The following ADAMTS2 variants were observed in gnomAD, a reference collection of about 807,000 sequenced individuals.
ADAMTS2 encodes the protein ADAM metallopeptidase with thrombospondin type 1 motif 2.
A neutral mutation model predicts 123.0 loss-of-function variants in ADAMTS2; 50 were observed. The ratio of observed to expected loss-of-function variants is 0.41; its 90% CI spans 0.32 to 0.51. The LOEUF (loss-of-function observed/expected upper bound fraction) is 0.51, where lower values mean the gene tolerates loss of function less well. Among genes scored for constraint, ADAMTS2 ranks in the 20% least tolerant of loss-of-function variants. The probability of loss-of-function intolerance (pLI) is 0.35; values close to 1 mark genes in which losing one functional copy is unlikely to be tolerated. For synonymous variants in ADAMTS2, 678 were observed against 695.4 expected (o/e 0.98, Z 0.39); for missense variants, 1,494 against 1,705.2 (o/e 0.88, Z 2.18).
chr5:179,143,684 G>A (rs186297063), intron 10 of ADAMTS2, among the ~76,000 whole-genome samples: 36 of 152,154 alleles, frequency 2.4e-4, no homozygotes, highest in Admixed American at 8.5e-4. Context: ...TTGCCCTTTC[G>A]TCCCTGCTGA....
chr5:179,198,715 T>A (rs1764488409), intron 4 of ADAMTS2, among the ~76,000 whole-genome samples: 2 of 151,956 alleles, frequency 1.3e-5, no homozygotes, highest in South Asian at 4.2e-4. Flanking sequence ...GTGCCAGTAG[T>A]CCCAGGTACT....
chr5:179,265,021 G>C (rs1380253662), intron 3 of ADAMTS2, among the ~76,000 whole-genome samples: 3 of 152,138 alleles, frequency 2.0e-5, no homozygotes, highest in Non-Finnish European at 4.4e-5. Context: ...ACCAACAGCA[G>C]CATGCCGGGT....
intron 12 of ADAMTS2, 117 bp downstream of exon 12, chr5:179,137,652 G>A (rs1763087828): frequency 5.0e-6 from 7 of 1,410,708 alleles, no homozygotes; most frequent in South Asian, 1.3e-5. Flanking sequence ...GGGCTCTCCT[G>A]CCAGCCCAGG....
chr5:179,295,127 C>G (rs1756293326), intron 2 of ADAMTS2, among the ~76,000 whole-genome samples: 1 of 152,240 alleles, frequency 6.6e-6, no homozygotes, highest in Non-Finnish European at 1.5e-5. Context: ...GGCACCAGGC[C>G]TGGCTGAATA....
At chr5:179,271,370 CAGCCAGA>C (rs1766526658) in intron 3 of ADAMTS2, among the ~76,000 whole-genome samples, 1 of 152,166 alleles carries the variant, frequency 6.6e-6, no homozygotes, top group Non-Finnish European at 1.5e-5. Context: ...CAGGAGAGGC[CAGCCAGA>C]AGCACCAAGC....
In ADAMTS2 at chr5:179,198,879, G is replaced by A. The variant is rs143495123; in HGVS notation, c.891+8634C>T. ...AAAACTCACTGCAGAGAGCCTCTGTGGACAAGGGCCCGCCCCCTGCCTGCC... is the reference window on the plus strand; with the variant it reads ...AAAACTCACTGCAGAGAGCCTCTGTAGACAAGGGCCCGCCCCCTGCCTGCC... On this transcript the variant is annotated intron_variant, in intron 4 of 21. Coordinates refer to ENST00000251582, the MANE Select transcript of ADAMTS2 (RefSeq NM_014244.5). Among the ~76,000 whole-genome samples the A allele has an allele frequency of 7.8e-3, 1,182 of 151,986 alleles. 12 individuals are homozygous for A. The highest frequency in any genetic ancestry group is 0.027 in the African/African-American group (1,114 of 41,474).
At chr5:179,278,746 A>G (rs1411472241) in intron 2 of ADAMTS2, among the ~76,000 whole-genome samples, 1 of 151,950 alleles carries the variant, frequency 6.6e-6, no homozygotes, top group African/African-American at 2.4e-5. Flanking sequence ...CCTGACCTTC[A>G]GGTGCCACCG....
At chr5:179,122,320 A>ACTC (rs1303390398) in intron 20 of ADAMTS2, among the ~76,000 whole-genome samples, 4 of 151,630 alleles carry the variant, frequency 2.6e-5, no homozygotes, top group African/African-American at 4.9e-5. Context: ...CACACTCTCT[A>ACTC]CTCGCACAGG....
chr5:179,211,561 A>G (rs760548883), intron 3 of ADAMTS2, among the ~76,000 whole-genome samples: 3 of 152,214 alleles, frequency 2.0e-5, no homozygotes, highest in Non-Finnish European at 4.4e-5. Flanking sequence ...TGGCCAAATA[A>G]TGACACTGTG....
In ADAMTS2 at chr5:179,260,627, G is replaced by C. The variant is rs1239742427; in HGVS notation, c.688+12284C>G. Among the ~76,000 whole-genome samples the C allele has an allele frequency of 6.6e-6, 1 of 152,122 alleles. No individual in the cohort carries two copies. The highest frequency in any genetic ancestry group is 1.5e-5 in the Non-Finnish European group (1 of 68,026). On this transcript the variant is annotated intron_variant, in intron 3 of 21. Transcript: ENST00000251582. The surrounding 1 kb of genome is among the most constrained non-coding windows in gnomAD (Gnocchi z 4.2). ...AGCCTGCTCCTCCCTCCTGATGCAG[G>C]AGTCAAAAGGCCTGGCTCCCACTGT... is the stretch of plus-strand genomic sequence containing the variant.
intron 21 of ADAMTS2, chr5:179,120,460 T>C (rs925180773): frequency 1.3e-5 from 2 of 152,356 alleles, no homozygotes; most frequent in African/African-American, 4.8e-5. Flanking sequence ...AGTTGGAAGT[T>C]AACAGTCGTG....
intron 9 of ADAMTS2, 107 bp downstream of exon 9, chr5:179,153,384 C>A (rs952313542): frequency 1.3e-6 from 2 of 1,544,232 alleles, no homozygotes; most frequent in Non-Finnish European, 1.7e-6. Flanking sequence ...GGCCGCTCTG[C>A]CCTCCCCACA....
At chr5:179,322,202 A>G (rs1757202882) in intron 2 of ADAMTS2, among the ~76,000 whole-genome samples, 1 of 152,224 alleles carries the variant, frequency 6.6e-6, no homozygotes, top group Non-Finnish European at 1.5e-5. Context: ...AGACAGGACA[A>G]AAAGTTGCCA....
Position 179,291,390 on chromosome 5 carries a change from T to C in ADAMTS2, c.535-18326A>G, listed in dbSNP as rs557240024. Among the ~76,000 whole-genome samples the C allele has an allele frequency of 1.6e-3, 242 of 152,310 alleles. 1 individual carries two copies. The highest frequency in any genetic ancestry group is 5.5e-3 in the African/African-American group (229 of 41,568). Reference sequence around the variant, plus strand: ...GGTTCCGTGTCATTTCCGGGCAGTCTTCCAGGGCTGGCTGCATCCACCTGC... The same window carrying C: ...GGTTCCGTGTCATTTCCGGGCAGTCCTCCAGGGCTGGCTGCATCCACCTGC... On this transcript the variant is annotated intron_variant, in intron 2 of 21. Transcript: ENST00000251582.
At chr5:179,199,371 C>T (rs77792767) in intron 4 of ADAMTS2, among the ~76,000 whole-genome samples, 29,288 of 152,168 alleles carry the variant, frequency 0.19, 3,649 homozygotes, top group Non-Finnish European at 0.27. Context: ...ATCCCGCCCA[C>T]GGCTGGCAGG....
chr5:179,157,685 G>A lies in ADAMTS2; in HGVS notation c.1132+1038C>T, dbSNP rs370142678. Among the ~76,000 whole-genome samples, 8 of 151,488 alleles carry A rather than the reference G, an allele frequency of 5.3e-5. No homozygotes were observed. In the East Asian group the frequency reaches 1.2e-3, roughly 22 times the overall value. ...CATGCCCAGCCTCATTGTTTTAATT[G>A]CATTTTTCCAATGTCTAGTGAGGTT... On this transcript the variant is annotated intron_variant, in intron 6 of 21. Coordinates refer to ENST00000251582, the MANE Select transcript of ADAMTS2 (RefSeq NM_014244.5).
At chr5:179,289,126 C>T (rs1371448272) in intron 2 of ADAMTS2, among the ~76,000 whole-genome samples, 1 of 152,138 alleles carries the variant, frequency 6.6e-6, no homozygotes, top group African/African-American at 2.4e-5. Flanking sequence ...TCCTGCAGGG[C>T]TCTGCTCACA....
chr5:179,319,189 A>G (rs912554612), intron 2 of ADAMTS2, among the ~76,000 whole-genome samples: 1 of 150,902 alleles, frequency 6.6e-6, no homozygotes, highest in Non-Finnish European at 1.5e-5. Flanking sequence ...GGCACCATGC[A>G]GACGCATGCA....
chr5:179,187,661 G>A (rs1284666256), intron 4 of ADAMTS2, among the ~76,000 whole-genome samples: 1 of 152,148 alleles, frequency 6.6e-6, no homozygotes, highest in Non-Finnish European at 1.5e-5. Flanking sequence ...CGTGTGCTGG[G>A]GAGAAGCAGC....
Sources: allele counts gnomAD v4.1 joint callset (sites outside exome capture counted in the v4.1 genomes callset), GRCh38; gene constraint gnomAD v4.1.1; non-coding constraint Gnocchi (gnomAD v3.1); transcripts MANE v1.5; gene names NCBI Gene and HGNC (gene_info 2026-07-23, HGNC 2026-07-21).